RCOR1: variants seen among roughly 807,000 people sequenced by gnomAD.
RCOR1 encodes the protein REST corepressor 1.
Under a neutral mutation model 64.0 loss-of-function variants are expected in RCOR1, and 12 were observed. The ratio of observed to expected loss-of-function variants is 0.19; its 90% CI spans 0.12 to 0.30. The LOEUF is 0.30. Ranked by LOEUF, RCOR1 falls within the 10% of genes least tolerant of loss-of-function variation. RCOR1 has a pLI of 1.00. For synonymous variants in RCOR1, 279 were observed against 227.2 expected (o/e 1.23, Z -2.05); for missense variants, 502 against 621.2 (o/e 0.81, Z 2.04).
intron 3 of RCOR1, among the ~76,000 whole-genome samples, chr14:102,692,017 G>A (rs1456869056): frequency 6.6e-6 from 1 of 152,174 alleles, no homozygotes; most frequent in Admixed American, 6.5e-5. Context: ...GAATTTATTT[G>A]CTCCACATCC....
intron 2 of RCOR1, among the ~76,000 whole-genome samples, chr14:102,678,386 G>A (rs1421015208): frequency 6.6e-6 from 1 of 152,072 alleles, no homozygotes; most frequent in Non-Finnish European, 1.5e-5. Flanking sequence ...TGCAAGCTCC[G>A]CCTCCTGGGT....
chr14:102,703,668 C>T (rs1231138450), intron 4 of RCOR1, among the ~76,000 whole-genome samples: 2 of 152,218 alleles, frequency 1.3e-5, no homozygotes, highest in South Asian at 2.1e-4. Context: ...CGGAGAGTCT[C>T]TCTGAAGAGA....
At chr14:102,659,409 C>G in intron 2 of RCOR1, 4 of 356,708 alleles carry the variant, frequency 1.1e-5, no homozygotes, top group Non-Finnish European at 1.6e-5. Flanking sequence ...AATAAAAATT[C>G]ATCTTATTTT....
At chr14:102,698,317 T>A (rs1895686117) in intron 3 of RCOR1, among the ~76,000 whole-genome samples, 2 of 152,370 alleles carry the variant, frequency 1.3e-5, no homozygotes, top group African/African-American at 4.8e-5. Flanking sequence ...GGAGGGACTC[T>A]GAGCAGATAA....
intron 2 of RCOR1, among the ~76,000 whole-genome samples, chr14:102,611,780 C>T (rs1893640137): frequency 6.6e-6 from 1 of 152,160 alleles, no homozygotes; most frequent in Non-Finnish European, 1.5e-5. Context: ...AACTGGCACT[C>T]TTCCTGTTCC....
intron 2 of RCOR1, among the ~76,000 whole-genome samples, chr14:102,634,216 A>G (rs1009081596): frequency 1.1e-4 from 16 of 152,108 alleles, no homozygotes; most frequent in East Asian, 1.9e-4. Flanking sequence ...TGACTACAGT[A>G]TAAAAAACAG....
chr14:102,639,532 TA>T (rs1894320398), intron 2 of RCOR1, among the ~76,000 whole-genome samples: 1 of 142,658 alleles, frequency 7.0e-6, no homozygotes. Context: ...TTTATTTATT[TA>T]TTTATTTATT....
chr14:102,714,426 C>G lies in RCOR1; in HGVS notation c.862C>G (p.Pro288Ala), dbSNP rs1274981782. The G allele has an allele frequency of 1.9e-6, 3 of 1,595,190 alleles. No homozygotes were observed. The highest frequency in any genetic ancestry group is 2.6e-6 in the Non-Finnish European group (3 of 1,169,238). ...DQNKESKKEV[P>A]PTETVPQVKK... is the part of the protein sequence containing the mutation. ...ATCACCTGTGTATATCATGCAGGTTCCCCCTACTGAGACAGTTCCTCAGGT... is the reference window on the plus strand; with the variant it reads ...ATCACCTGTGTATATCATGCAGGTTGCCCCTACTGAGACAGTTCCTCAGGT... Residue 288 changes from proline to alanine, a missense_variant, in exon 8 of 12, where the codon CCC (proline) becomes GCC (alanine). Around this residue, in one of 2 missense-constraint regions of RCOR1, gnomAD observed 260 missense variants for 416.4 expected, o/e 0.62. Transcript: ENST00000262241.
At chr14:102,695,739 C>T (rs1485797379) in intron 3 of RCOR1, among the ~76,000 whole-genome samples, 1 of 145,012 alleles carries the variant, frequency 6.9e-6, no homozygotes, top group East Asian at 2.0e-4. Context: ...TTAGTAGAGA[C>T]GGGGTTTCAC....
chr14:102,621,507 T>A (rs1794554861), intron 2 of RCOR1, among the ~76,000 whole-genome samples: 1 of 151,946 alleles, frequency 6.6e-6, no homozygotes, highest in Admixed American at 6.6e-5. Flanking sequence ...TCCAAAGTGT[T>A]TGGATTACAG....
chr14:102,679,964 A>G (rs1895270092), intron 2 of RCOR1, among the ~76,000 whole-genome samples: 1 of 152,228 alleles, frequency 6.6e-6, no homozygotes, highest in Admixed American at 6.5e-5. Flanking sequence ...AGGTGCTACA[A>G]TTTTGATTGG....
At chr14:102,645,268 C>T (rs181796974) in intron 2 of RCOR1, among the ~76,000 whole-genome samples, 82 of 152,264 alleles carry the variant, frequency 5.4e-4, no homozygotes, top group Admixed American at 1.6e-3. Flanking sequence ...AGTGCAGAAC[C>T]TTCTTAGATC....
intron 2 of RCOR1, among the ~76,000 whole-genome samples, chr14:102,597,570 C>A (rs1893283231): frequency 6.7e-6 from 1 of 149,954 alleles, no homozygotes; most frequent in Admixed American, 6.7e-5. Flanking sequence ...CTCAGGTGAT[C>A]CACCCACCTT....
chr14:102,661,237 A>T (rs1273927024), intron 2 of RCOR1, among the ~76,000 whole-genome samples: 1 of 152,154 alleles, frequency 6.6e-6, no homozygotes. Flanking sequence ...AGTCCTAGCT[A>T]CTTGGGAGTC....
intron 2 of RCOR1, among the ~76,000 whole-genome samples, chr14:102,636,205 T>C (rs1894233758): frequency 6.6e-6 from 1 of 152,170 alleles, no homozygotes; most frequent in Non-Finnish European, 1.5e-5. Context: ...CCCAAAGTGC[T>C]GTGATGATAG....
chr14:102,644,799 GA>G (rs1894446672), intron 2 of RCOR1, among the ~76,000 whole-genome samples: 1 of 152,248 alleles, frequency 6.6e-6, no homozygotes, highest in South Asian at 2.1e-4. Flanking sequence ...TTGCCATTCT[GA>G]AATTCAGCAG....
At chr14:102,719,179 C>T (rs1357949216) in intron 8 of RCOR1, among the ~76,000 whole-genome samples, 1 of 152,074 alleles carries the variant, frequency 6.6e-6, no homozygotes, top group Non-Finnish European at 1.5e-5. Context: ...GCCTCCCAGA[C>T]TCAAGCTATC....
intron 2 of RCOR1, among the ~76,000 whole-genome samples, chr14:102,642,616 G>A (rs1168905009): frequency 6.6e-6 from 1 of 152,042 alleles, no homozygotes; most frequent in Non-Finnish European, 1.5e-5. Context: ...GGGAAGGATC[G>A]CTTGAGCCCA....
intron 2 of RCOR1, among the ~76,000 whole-genome samples, chr14:102,652,691 C>T (rs1204447640): frequency 6.6e-6 from 1 of 152,150 alleles, no homozygotes; most frequent in East Asian, 1.9e-4. Flanking sequence ...CACCTAGAAT[C>T]AGCCTCCCAG....
Sources: gnomAD v4.1 joint callset for allele counts (sites outside exome capture counted in the v4.1 genomes callset) on GRCh38, gnomAD v4.1.1 for gene constraint, gnomAD v4.1.1 regional missense constraint, MANE v1.5 for transcripts, NCBI Gene and HGNC (gene_info 2026-07-23, HGNC 2026-07-21) for gene names.